The following USP40 variants were observed in gnomAD, a reference collection of about 807,000 sequenced individuals.
USP40 encodes ubiquitin specific peptidase 40.
In USP40, 143 loss-of-function variants were observed where a neutral mutation model predicts 166.2. The ratio of observed to expected loss-of-function variants is 0.86; its 90% CI spans 0.75 to 0.99. USP40 has a LOEUF of 0.99. Among genes scored for constraint, USP40 ranks in the 50% least tolerant of loss-of-function variants. The pLI is 0.00. For missense variants in USP40, 1,444 were observed against 1,479.7 expected (o/e 0.98, Z 0.40); for synonymous variants, 498 against 524.0 (o/e 0.95, Z 0.68).
At chr2:233,529,229 A>G (rs2125254429) in intron 12 of USP40, among the ~76,000 whole-genome samples, 1 of 152,334 alleles carries the variant, frequency 6.6e-6, no homozygotes, top group Middle Eastern at 3.4e-3. Context: ...ATATGTCACC[A>G]TTTAATTCAC....
chr2:233,526,778 GTC>G (rs1235916166), intron 13 of USP40, among the ~76,000 whole-genome samples: 17 of 152,306 alleles, frequency 1.1e-4, no homozygotes, highest in Admixed American at 5.2e-4. Context: ...AAGACATTGA[GTC>G]TCTTTAAATC....
chr2:233,523,919 G>A (rs76902678), intron 15 of USP40, among the ~76,000 whole-genome samples: 2,651 of 152,144 alleles, frequency 0.017, 81 homozygotes, highest in African/African-American at 0.059. Context: ...AGCACGTATG[G>A]TGCAGTTCTT....
Position 233,523,513 on chromosome 2 carries a change from T to C in USP40, c.1882-24A>G, listed in dbSNP as rs746124555. On this transcript the variant is annotated intron_variant, in intron 15 of 31. Transcript: ENST00000678225. ...ACCTGCAATCATACCAAGACAACCATTAGTACAGCTGATATTTGCCAACAC... is the reference window on the plus strand; with the variant it reads ...ACCTGCAATCATACCAAGACAACCACTAGTACAGCTGATATTTGCCAACAC... 24 of 1,592,158 alleles carry C rather than the reference T, an allele frequency of 1.5e-5. No individual in the cohort carries two copies. The African/African-American group carries it at 2.7e-4, about 18-fold the overall frequency.
chr2:233,563,847 G>C (rs2071884833), intron 2 of USP40, among the ~76,000 whole-genome samples: 1 of 152,144 alleles, frequency 6.6e-6, no homozygotes, highest in Admixed American at 6.5e-5. Flanking sequence ...CTGCTGGAGA[G>C]GAAGTTGGCC....
chr2:233,523,310 G>A lies in USP40; in HGVS notation c.2061C>T (p.Val687=), dbSNP rs1430927286. Residue 687 remains valine (V), a synonymous_variant, in exon 16 of 32, where the codon GTC becomes GTT. Coordinates refer to ENST00000678225, the MANE Select transcript of USP40 (RefSeq NM_001365479.2). ...GACATCCAGCACTGTTGATGAAGAT[G>A]ACACCTGCTGGGATTGCTAAGGCTG... The part of the protein sequence containing the change: ...VLTALAIPAG[V]IFINSAGCPG... 6.2e-7 allele frequency: 1 copy of A among 1,613,890 alleles called. No homozygotes were observed.
chr2:233,496,224 A>G lies in USP40; in HGVS notation c.2790+534T>C, dbSNP rs1215048310. ...TGGGTTCACTTTTACGTGCATCCTC[A>G]GTTTAAAAGAAACGATACTGGTTTT... is the stretch of plus-strand genomic sequence containing the variant. On this transcript the variant is annotated intron_variant, in intron 24 of 31. Coordinates refer to ENST00000678225, the MANE Select transcript of USP40 (RefSeq NM_001365479.2). Among the ~76,000 whole-genome samples the G allele has an allele frequency of 2.0e-5, 3 of 152,322 alleles. No individual in the cohort carries two copies. The East Asian group carries it at 5.8e-4, about 29-fold the overall frequency.
intron 18 of USP40, 189 bp downstream of exon 18, chr2:233,519,425 G>C: frequency 2.0e-6 from 1 of 496,530 alleles, no homozygotes; most frequent in South Asian, 2.2e-5. Flanking sequence ...GAGAACACAG[G>C]GGACTTTAAC....
intron 11 of USP40, among the ~76,000 whole-genome samples, chr2:233,532,014 G>C (rs550192513): frequency 3.3e-5 from 5 of 152,260 alleles, no homozygotes; most frequent in Admixed American, 6.5e-5. Flanking sequence ...AAGGACCAGA[G>C]GCTACTTCCT....
At chr2:233,554,585 T>A (rs1044284215) in intron 5 of USP40, 59 bp from the exon 6 acceptor site, 3 of 1,358,440 alleles carry the variant, frequency 2.2e-6, no homozygotes, top group South Asian at 2.9e-5. Context: ...AAACACATCA[T>A]CAACTCACAT....
rs111740419 is a variant in USP40 at position 233,487,988 on chromosome 2, T to C, written c.3197+251A>G. ...GCCTCTTGCTGACACTTCAGGGCCA[T>C]CATGGGGTCAATATGCACCTGGTGA... On this transcript the variant is annotated intron_variant, in intron 28 of 31. Transcript: ENST00000678225. 26 of 657,760 alleles carry C rather than the reference T, an allele frequency of 4.0e-5. 2 individuals carry two copies. Among genetic ancestry groups the C allele is most frequent in the African/African-American group, 1.6e-4 (9 of 56,090 alleles). The allele number at this position is 657,760 out of a possible 1,614,324, so 40.7% of individuals were successfully genotyped here. A position where few individuals can be genotyped will look rare whatever the true frequency, so the allele number is the denominator to read the frequency against.
intron 27 of USP40, 145 bp from the exon 28 acceptor site, chr2:233,488,449 G>GA (rs2065092809): frequency 7.3e-6 from 5 of 682,492 alleles, no homozygotes; most frequent in Non-Finnish European, 1.2e-5. Context: ...TGGAAAAGGG[G>GA]AAAAAATGAG....
intron 18 of USP40, among the ~76,000 whole-genome samples, chr2:233,517,200 A>G (rs946399316): frequency 2.0e-5 from 3 of 152,148 alleles, no homozygotes; most frequent in Non-Finnish European, 4.4e-5. Flanking sequence ...TATGGTGATT[A>G]GGGAACACTT....
At chr2:233,560,236 C>T (rs1403948516) in intron 3 of USP40, among the ~76,000 whole-genome samples, 1 of 152,108 alleles carries the variant, frequency 6.6e-6, no homozygotes, top group Non-Finnish European at 1.5e-5. Context: ...TCTAATAGTC[C>T]ATTATTTCTC....
intron 23 of USP40, among the ~76,000 whole-genome samples, chr2:233,497,789 C>T (rs2065833105): frequency 6.6e-6 from 1 of 152,240 alleles, no homozygotes; most frequent in South Asian, 2.1e-4. Flanking sequence ...GCCCAGGCCC[C>T]AAGAGGGGCC....
rs2125255844 is a variant in USP40 at position 233,529,572 on chromosome 2, G to C, written c.1472-60C>G. ...TAAATGAAATCTGGTTGCTGGAAGA[G>C]GTAGCATGAAGACTAGGAAGGACTG... is the stretch of plus-strand genomic sequence containing the variant. On this transcript the variant is annotated intron_variant, in intron 11 of 31. Transcript: ENST00000678225. 3 of 1,362,202 alleles carry C rather than the reference G, an allele frequency of 2.2e-6. No individual in the cohort carries two copies. In the East Asian group the frequency reaches 7.6e-5, roughly 34 times the overall value. 84.4% of individuals were successfully genotyped at this position (1,362,202 alleles called of 1,614,324 possible).
rs1203339243 is a variant in USP40, at chr2:233,482,582, GT to G, written c.3505-1286del. Among the ~76,000 whole-genome samples the G allele has an allele frequency of 1.4e-3, 193 of 136,970 alleles. 2 individuals are homozygous for G. The highest frequency in any genetic ancestry group is 4.3e-3 in the African/African-American group (153 of 35,364). The allele number at this position is 136,970 out of a possible 152,430, so 89.9% of individuals were successfully genotyped here. A position where few individuals can be genotyped will look rare whatever the true frequency, so the allele number is the denominator to read the frequency against. Reference sequence around the variant, plus strand: ...TGTACCAACTTGTGTTCCCACTGGAGTTTTTTTTTTTTGTTTTTTTTTTTTT... The same window carrying G: ...TGTACCAACTTGTGTTCCCACTGGAGTTTTTTTTTTTGTTTTTTTTTTTTT... On this transcript the variant is annotated intron_variant, in intron 30 of 31. Coordinates refer to ENST00000678225, the MANE Select transcript of USP40 (RefSeq NM_001365479.2).
chr2:233,531,867 C>A (rs2125269256), intron 11 of USP40, among the ~76,000 whole-genome samples: 1 of 152,130 alleles, frequency 6.6e-6, no homozygotes, highest in East Asian at 1.9e-4. Context: ...ATCGAAAAAT[C>A]TTACTAGGCC....
intron 18 of USP40, among the ~76,000 whole-genome samples, chr2:233,519,118 G>A (rs2067468003): frequency 6.6e-6 from 1 of 152,160 alleles, no homozygotes; most frequent in Non-Finnish European, 1.5e-5. Flanking sequence ...GAATACAGAT[G>A]GGTACAGGGA....
intron 8 of USP40, among the ~76,000 whole-genome samples, chr2:233,544,922 C>G (rs1465882299): frequency 6.6e-6 from 1 of 152,182 alleles, no homozygotes; most frequent in African/African-American, 2.4e-5. Flanking sequence ...AGCTGTATTG[C>G]TCTAAAACCA....
Sources: allele counts gnomAD v4.1 joint callset (sites outside exome capture counted in the v4.1 genomes callset), GRCh38; gene constraint gnomAD v4.1.1; transcripts MANE v1.5; gene names NCBI Gene and HGNC (gene_info 2026-07-23, HGNC 2026-07-21).